The following WNT4 variants were observed in gnomAD, a reference collection of about 807,000 sequenced individuals.
WNT4 encodes the protein protein Wnt-4.
WNT4 carries 16 observed loss-of-function variants against 34.5 expected under a neutral mutation model. The observed-to-expected ratio is 0.46, with a 90% CI of 0.31 to 0.70. The LOEUF (loss-of-function observed/expected upper bound fraction) is 0.70. Among genes scored for constraint, WNT4 ranks in the 30% least tolerant of loss-of-function variants. The pLI is 0.04. For synonymous variants in WNT4, 200 were observed against 211.9 expected, an observed-to-expected ratio of 0.94 and a Z score of 0.49; for missense variants, 379 against 495.9, an observed-to-expected ratio of 0.76 and a Z score of 2.24.
In WNT4 at chr1:22,140,075, C is replaced by G; in HGVS notation, c.77+2771G>C. ...TCTGAGACAACAGATAGTCCTGGCT[C>G]TCGCCACTGGCCAGCAGACCCACCC... On this transcript the variant is annotated intron_variant, in intron 1 of 4. Transcript: ENST00000290167. The surrounding 1 kb of genome is among the most constrained non-coding windows in gnomAD (Gnocchi z 5.9). 1.5e-6 allele frequency: 1 copy of G among 651,514 alleles called. No homozygotes were observed. Among genetic ancestry groups the G allele is most frequent in the South Asian group, 6.8e-5 (1 of 14,770 alleles). The allele number at this position is 651,514 out of a possible 1,614,324, so 40.4% of individuals were successfully genotyped here.
rs541550253 is a variant in WNT4 at position 22,134,510 on chromosome 1, G to A, written c.78-4659C>T. Reference sequence around the variant, plus strand: ...CTAGCCTTGGAGACCCTTGTCTTTTGGCATGGCAGGCAGTGCAGAAAGGAC... The same window carrying A: ...CTAGCCTTGGAGACCCTTGTCTTTTAGCATGGCAGGCAGTGCAGAAAGGAC... On this transcript the variant is annotated intron_variant, in intron 1 of 4. Coordinates refer to ENST00000290167, the MANE Select transcript of WNT4 (RefSeq NM_030761.5). The surrounding 1 kb of genome is among the most constrained non-coding windows in gnomAD (Gnocchi z 4.1). 6.6e-6 allele frequency among the ~76,000 whole-genome samples: 1 copy of A among 152,258 alleles called. No homozygotes were observed. The highest frequency in any genetic ancestry group is 1.9e-4 in the East Asian group (1 of 5,184).
chr1:22,120,661 A>C, intron 4 of WNT4, 144 bp from the exon 5 acceptor site: 1 of 789,482 alleles, frequency 1.3e-6, no homozygotes, highest in Non-Finnish European at 2.0e-6. Flanking sequence ...CTTAGGAATT[A>C]CGCGGTACTG....
chr1:22,117,839 CA>C lies in WNT4; in HGVS notation c.*2210del, dbSNP rs1009893437. 1 of 152,288 alleles carries C rather than the reference CA, an allele frequency of 6.6e-6. No homozygotes were observed. The highest frequency in any genetic ancestry group is 1.5e-5 in the Non-Finnish European group (1 of 68,108). The allele number at this position is 152,288 out of a possible 1,614,324, so 9.4% of individuals were successfully genotyped here. On this transcript the variant is annotated 3_prime_UTR_variant, in exon 5 of 5. Transcript: ENST00000290167. ...TGTTCCCTGGATGGGGAGAGTGGCT[CA>C]GCTCTTTCCTCTGGGAGGGGAGGGG...
In WNT4 at chr1:22,119,228, G is replaced by GTGTGT. The variant is rs35917567; in HGVS notation, c.*821_*822insACACA. 8.3e-6 allele frequency: 1 copy of GTGTGT among 120,540 alleles called. No individual in the cohort carries two copies. Among genetic ancestry groups the GTGTGT allele is most frequent in the African/African-American group, 3.2e-5 (1 of 30,912 alleles). The allele number at this position is 120,540 out of a possible 1,614,324, so 7.5% of individuals were successfully genotyped here. A position where few individuals can be genotyped will look rare whatever the true frequency, so the allele number is the denominator to read the frequency against. On this transcript the variant is annotated 3_prime_UTR_variant, in exon 5 of 5. Transcript: ENST00000290167. ...TGTGTGTGTGTGTGTGTGTGTGTGT[G>GTGTGT]TTTCAGTTTCATGGAGGAACAGCGC...
intron 4 of WNT4, 85 bp from the exon 5 acceptor site, chr1:22,120,602 C>T (rs545020870): frequency 6.4e-5 from 90 of 1,402,764 alleles, no homozygotes; most frequent in Admixed American, 2.8e-4. Flanking sequence ...AGCCGAGCAT[C>T]GGGGTCCCTG....
intron 1 of WNT4, among the ~76,000 whole-genome samples, chr1:22,135,936 A>G (rs553649802): frequency 2.0e-5 from 3 of 151,996 alleles, no homozygotes; most frequent in South Asian, 2.1e-4. Context: ...CCTCGCTCCC[A>G]TCTCCTATCC....
rs1173119864 is a variant in WNT4 at position 22,121,548 on chromosome 1, G to A, written c.342C>T (p.Ala114=). ...QGTREAAFVY[A]ISSAGVAFAV... is the part of the protein sequence containing the mutation. ...CAAAGGCCACACCTGCCGAAGAGAT[G>A]GCGTACACGAAGGCCGCCTCCCGAG... Residue 114 remains alanine, a synonymous_variant, in exon 3 of 5, where the codon GCC becomes GCT. Coordinates refer to ENST00000290167, the MANE Select transcript of WNT4 (RefSeq NM_030761.5). 1.2e-6 allele frequency: 2 copies of A among 1,613,702 alleles called. No individual in the cohort carries two copies. Among genetic ancestry groups the A allele is most frequent in the Non-Finnish European group, 1.7e-6 (2 of 1,180,034 alleles).
chr1:22,118,708 C>G lies in WNT4; in HGVS notation c.*1342G>C, dbSNP rs1286764818. 1 of 152,778 alleles carries G rather than the reference C, an allele frequency of 6.5e-6. No homozygotes were observed. The highest frequency in any genetic ancestry group is 1.5e-5 in the Non-Finnish European group (1 of 68,462). 9.5% of individuals were successfully genotyped at this position (152,778 alleles called of 1,614,324 possible). On this transcript the variant is annotated 3_prime_UTR_variant, in exon 5 of 5. Coordinates refer to ENST00000290167, the MANE Select transcript of WNT4 (RefSeq NM_030761.5). ...AGCCTGTGGTCTCTGGCTCCTGCTG[C>G]TTCCCTGCCCCTTTTCGTCCAGCCA...
At chr1:22,122,921 C>A (rs933516528) in intron 2 of WNT4, among the ~76,000 whole-genome samples, 1 of 152,212 alleles carries the variant, frequency 6.6e-6, no homozygotes, top group Non-Finnish European at 1.5e-5. Context: ...CACCCACTCT[C>A]CACTGCCCAC....
Position 22,129,569 on chromosome 1 carries a change from C to A in WNT4, c.313+47G>T, listed in dbSNP as rs763552648. The A allele has an allele frequency of 1.9e-6, 3 of 1,583,710 alleles. No individual in the cohort carries two copies. The African/African-American group carries it at 4.1e-5, about 21-fold the overall frequency. On this transcript the variant is annotated intron_variant, in intron 2 of 4. Coordinates refer to ENST00000290167, the MANE Select transcript of WNT4 (RefSeq NM_030761.5). ...CGTCTCATTTCCTGCTGGGCCCATG[C>A]CCTGGCACCGCAGGCTCCCCTGCAG... is the stretch of plus-strand genomic sequence containing the variant.
intron 1 of WNT4, 47 bp from the exon 2 acceptor site, chr1:22,129,898 C>T (rs1363859508): frequency 1.2e-6 from 2 of 1,604,946 alleles, no homozygotes; most frequent in South Asian, 1.1e-5. Context: ...CCTCATCTTT[C>T]CTGGCCCCGG....
At chr1:22,124,178 C>T (rs143815651) in intron 2 of WNT4, among the ~76,000 whole-genome samples, 237 of 152,290 alleles carry the variant, frequency 1.6e-3, no homozygotes, top group African/African-American at 5.2e-3. Flanking sequence ...CAGGTAGCAG[C>T]GGGGGGGTTC....
At position 22,137,431 on chromosome 1, in the gene WNT4, G is replaced by A. The variant is rs1298684495; in HGVS notation, c.77+5415C>T. Among the ~76,000 whole-genome samples, 4 of 152,300 alleles carry A rather than the reference G, an allele frequency of 2.6e-5. No homozygotes were observed. The highest frequency in any genetic ancestry group is 3.9e-4 in the East Asian group (2 of 5,182). ...GTGAAGGGGTGACTGGAGGGCCCACGGCAGGCAGCTGTCACCCCACCCATG... is the reference window on the plus strand; with the variant it reads ...GTGAAGGGGTGACTGGAGGGCCCACAGCAGGCAGCTGTCACCCCACCCATG... On this transcript the variant is annotated intron_variant, in intron 1 of 4. Coordinates refer to ENST00000290167, the MANE Select transcript of WNT4 (RefSeq NM_030761.5). The surrounding 1 kb of genome is among the most constrained non-coding windows in gnomAD (Gnocchi z 5.3).
intron 2 of WNT4, among the ~76,000 whole-genome samples, chr1:22,122,673 C>T (rs577322872): frequency 9.4e-4 from 138 of 147,182 alleles, no homozygotes; most frequent in Admixed American, 1.9e-3. Context: ...TCCGCAGGAG[C>T]GGAGGGGGCA....
chr1:22,122,855 G>A (rs1218063700), intron 2 of WNT4, among the ~76,000 whole-genome samples: 1 of 152,142 alleles, frequency 6.6e-6, no homozygotes, highest in African/African-American at 2.4e-5. Flanking sequence ...CTCAGTCCCC[G>A]ACCACTCAGG....
At chr1:22,122,322 G>A (rs1360449079) in intron 2 of WNT4, among the ~76,000 whole-genome samples, 2 of 152,026 alleles carry the variant, frequency 1.3e-5, no homozygotes, top group East Asian at 1.9e-4. Flanking sequence ...AGGATCAGCC[G>A]GGGAAGGGAT....
chr1:22,135,807 A>G (rs1646017358), intron 1 of WNT4, among the ~76,000 whole-genome samples: 1 of 152,166 alleles, frequency 6.6e-6, no homozygotes, highest in Non-Finnish European at 1.5e-5. Flanking sequence ...TCTTGGCCTC[A>G]GGTGCATTTC....
chr1:22,127,388 C>A (rs1645948976), intron 2 of WNT4: 3 of 533,300 alleles, frequency 5.6e-6, no homozygotes, highest in Non-Finnish European at 1.2e-5. Flanking sequence ...TTGCCCCAGG[C>A]TACCTCCTTC....
At chr1:22,138,412 C>A (rs571346669) in intron 1 of WNT4, among the ~76,000 whole-genome samples, 1 of 152,194 alleles carries the variant, frequency 6.6e-6, no homozygotes, top group African/African-American at 2.4e-5. Flanking sequence ...GCCCGCCCCC[C>A]AGGGGACATT....
Sources: allele counts gnomAD v4.1 joint callset (sites outside exome capture counted in the v4.1 genomes callset), GRCh38; gene constraint gnomAD v4.1.1; non-coding constraint Gnocchi (gnomAD v3.1); transcripts MANE v1.5; gene names NCBI Gene and HGNC (gene_info 2026-07-23, HGNC 2026-07-21).